SCFD2: variants seen among roughly 807,000 people sequenced by gnomAD.
The protein encoded by SCFD2 is sec1 family domain-containing protein 2.
A neutral mutation model predicts 58.9 loss-of-function variants in SCFD2; 54 were observed. That is an observed-to-expected ratio of 0.92 (90% CI 0.74 to 1.15). The LOEUF is 1.15. SCFD2 is among the 50% of genes most tolerant of loss of function. The probability of loss-of-function intolerance (pLI) is 0.00; values close to 1 mark genes in which losing one functional copy is unlikely to be tolerated. For synonymous variants in SCFD2, 321 were observed against 335.9 expected, an observed-to-expected ratio of 0.96 and a Z score of 0.49; for missense variants, 805 against 836.6, an observed-to-expected ratio of 0.96 and a Z score of 0.47.
intron 4 of SCFD2, among the ~76,000 whole-genome samples, chr4:53,238,046 C>A (rs550274687): frequency 7.4e-6 from 1 of 135,406 alleles, no homozygotes; most frequent in Non-Finnish European, 1.6e-5. Context: ...GCTGGCCGGG[C>A]GGGGGGCTGA....
Position 53,153,479 on chromosome 4 carries a change from T to C in SCFD2, c.1312-7897A>G, listed in dbSNP as rs556628787. Among the ~76,000 whole-genome samples the C allele has an allele frequency of 9.5e-4, 144 of 152,316 alleles. 1 individual carries two copies. Among genetic ancestry groups the C allele is most frequent in the African/African-American group, 3.2e-3 (135 of 41,576 alleles). On this transcript the variant is annotated intron_variant, in intron 4 of 8. Transcript: ENST00000401642. ...CTGGGAGCAGTGTCCTGAGGCTGCATAGGGCAGTGGGGCCTCAGATCTGGC... is the reference window on the plus strand; with the variant it reads ...CTGGGAGCAGTGTCCTGAGGCTGCACAGGGCAGTGGGGCCTCAGATCTGGC...
chr4:53,253,409 A>C (rs1352954684), intron 4 of SCFD2, among the ~76,000 whole-genome samples: 2 of 152,104 alleles, frequency 1.3e-5, no homozygotes, highest in Non-Finnish European at 1.5e-5. Context: ...AAAGGACTAT[A>C]AATCATGCTG....
chr4:53,061,679 A>C (rs1723516013), intron 5 of SCFD2, among the ~76,000 whole-genome samples: 1 of 152,064 alleles, frequency 6.6e-6, no homozygotes, highest in Non-Finnish European at 1.5e-5. Context: ...TTATTTATTC[A>C]TTGGGAAACA....
intron 5 of SCFD2, among the ~76,000 whole-genome samples, chr4:52,990,385 C>G (rs1013576255): frequency 6.6e-6 from 1 of 152,148 alleles, no homozygotes; most frequent in South Asian, 2.1e-4. Context: ...AATGTGTCAG[C>G]CTTTCAGTGT....
chr4:53,326,133 ATTTATTTTAT>A (rs201498742), intron 2 of SCFD2, among the ~76,000 whole-genome samples: 2,772 of 151,704 alleles, frequency 0.018, 88 homozygotes, highest in African/African-American at 0.064. Context: ...TTAAAATTTT[ATTTATTTTAT>A]TTTATTTTAT....
At chr4:53,191,654 C>T in intron 4 of SCFD2, among the ~76,000 whole-genome samples, 1 of 152,158 alleles carries the variant, frequency 6.6e-6, no homozygotes, top group Non-Finnish European at 1.5e-5. Flanking sequence ...ATCCACCTGC[C>T]TCGGCCTCCC....
intron 5 of SCFD2, among the ~76,000 whole-genome samples, chr4:53,033,948 C>T (rs1436143421): frequency 1.3e-5 from 2 of 152,192 alleles, no homozygotes; most frequent in South Asian, 2.1e-4. Flanking sequence ...AGGGAATCCT[C>T]CCTAACTCAT....
intron 3 of SCFD2, among the ~76,000 whole-genome samples, chr4:53,288,477 G>A (rs1468832257): frequency 1.3e-5 from 2 of 152,068 alleles, no homozygotes; most frequent in Non-Finnish European, 2.9e-5. Context: ...AATTGTAAAA[G>A]CAGCAAAAGA....
chr4:52,902,170 G>A (rs922616378), intron 7 of SCFD2, among the ~76,000 whole-genome samples: 2 of 152,230 alleles, frequency 1.3e-5, no homozygotes, highest in Non-Finnish European at 2.9e-5. Flanking sequence ...GTTGGCCAGG[G>A]TCTAGCCCTG....
At chr4:52,955,511 T>C (rs1720691070) in intron 5 of SCFD2, among the ~76,000 whole-genome samples, 1 of 152,230 alleles carries the variant, frequency 6.6e-6, no homozygotes, top group South Asian at 2.1e-4. Context: ...GTGCTGTGCC[T>C]AGCGTCAGTT....
chr4:53,198,125 T>C (rs1728116477), intron 4 of SCFD2, among the ~76,000 whole-genome samples: 1 of 152,094 alleles, frequency 6.6e-6, no homozygotes. Context: ...TGCATAATGG[T>C]GATCCATATG....
At chr4:53,278,075 A>C (rs1229439528) in intron 3 of SCFD2, among the ~76,000 whole-genome samples, 4 of 151,558 alleles carry the variant, frequency 2.6e-5, no homozygotes, top group Admixed American at 2.6e-4. Flanking sequence ...AAAAAAAAAA[A>C]AACAGTCCTC....
chr4:52,955,490 C>G (rs562890232), intron 5 of SCFD2, among the ~76,000 whole-genome samples: 15 of 152,312 alleles, frequency 9.8e-5, no homozygotes, highest in African/African-American at 3.6e-4. Flanking sequence ...CACAATGGCT[C>G]TATAAAATAG....
intron 5 of SCFD2, among the ~76,000 whole-genome samples, chr4:53,075,605 G>A (rs1231870501): frequency 6.6e-6 from 1 of 152,170 alleles, no homozygotes; most frequent in African/African-American, 2.4e-5. Flanking sequence ...CTGTAAGGCT[G>A]TTAATTAGGT....
intron 4 of SCFD2, among the ~76,000 whole-genome samples, chr4:53,267,477 A>C (rs979324714): frequency 6.6e-6 from 1 of 152,242 alleles, no homozygotes; most frequent in Admixed American, 6.5e-5. Context: ...AAGGACCCAG[A>C]AGTGACTGAG....
intron 5 of SCFD2, among the ~76,000 whole-genome samples, chr4:53,112,561 T>A (rs1005620941): frequency 1.7e-4 from 26 of 152,058 alleles, no homozygotes; most frequent in Non-Finnish European, 3.4e-4. Context: ...TTACAGGACA[T>A]AAAATAATGC....
chr4:53,151,444 G>A (rs1251502654), intron 4 of SCFD2, among the ~76,000 whole-genome samples: 1 of 152,156 alleles, frequency 6.6e-6, no homozygotes, highest in Non-Finnish European at 1.5e-5. Context: ...GTCACTATGC[G>A]CAAAAGGCCC....
At chr4:52,935,102 G>T (rs1720102056) in intron 5 of SCFD2, among the ~76,000 whole-genome samples, 1 of 152,100 alleles carries the variant, frequency 6.6e-6, no homozygotes, top group African/African-American at 2.4e-5. Context: ...GTGTTGCATT[G>T]CACAGCAGTA....
intron 4 of SCFD2, among the ~76,000 whole-genome samples, chr4:53,207,530 T>TATATATATAA (rs375151293): frequency 1.1e-3 from 19 of 16,728 alleles, no homozygotes; most frequent in African/African-American, 4.7e-3. Context: ...TATATAATAT[T>TATATATATAA]TATATATTAT....
Sources: gnomAD v4.1 joint callset for allele counts (sites outside exome capture counted in the v4.1 genomes callset) on GRCh38, gnomAD v4.1.1 for gene constraint, MANE v1.5 for transcripts, NCBI Gene and HGNC (gene_info 2026-07-23, HGNC 2026-07-21) for gene names.